The following FKBP5 variants were observed in gnomAD, a reference collection of about 807,000 sequenced individuals.
FKBP5 encodes the protein FKBP prolyl isomerase 5.
A neutral mutation model predicts 50.5 loss-of-function variants in FKBP5; 23 were observed. That is an observed-to-expected ratio of 0.46 (90% CI 0.33 to 0.65). FKBP5 has a LOEUF of 0.65. Ranked by LOEUF, FKBP5 falls within the 30% of genes least tolerant of loss-of-function variation. The pLI is 0.02. For synonymous variants in FKBP5, 176 were observed against 190.6 expected (o/e 0.92, Z 0.63); for missense variants, 411 against 553.1 (o/e 0.74, Z 2.58).
At chr6:35,587,968 C>T (rs112815407) in intron 7 of FKBP5, among the ~76,000 whole-genome samples, 4,281 of 151,812 alleles carry the variant, frequency 0.028, 178 homozygotes, top group African/African-American at 0.097. Context: ...CAAAAGATAA[C>T]GAGTGTGTGT....
intron 7 of FKBP5, 91 bp downstream of exon 7, chr6:35,591,039 C>G: frequency 2.5e-6 from 2 of 803,806 alleles, no homozygotes; most frequent in Non-Finnish European, 4.1e-6. Context: ...CACCATCTAT[C>G]TATACCACCT....
chr6:35,687,934 T>C (rs921263646), intron 1 of FKBP5, among the ~76,000 whole-genome samples: 2 of 152,246 alleles, frequency 1.3e-5, no homozygotes, highest in African/African-American at 4.8e-5. Flanking sequence ...GTAGTGTCTT[T>C]TTGGTAATAC....
intron 2 of FKBP5, among the ~76,000 whole-genome samples, chr6:35,708,202 A>G (rs959821668): frequency 6.6e-6 from 1 of 152,224 alleles, no homozygotes; most frequent in Non-Finnish European, 1.5e-5. Flanking sequence ...TGTACTGAGT[A>G]TAAATAACTT....
intron 1 of FKBP5, among the ~76,000 whole-genome samples, chr6:35,667,350 A>G (rs1765261491): frequency 6.6e-6 from 1 of 151,966 alleles, no homozygotes; most frequent in African/African-American, 2.4e-5. Flanking sequence ...TTTGGACTCC[A>G]TTTTTCCTGT....
intron 1 of FKBP5, among the ~76,000 whole-genome samples, chr6:35,650,071 A>G (rs1484284344): frequency 2.6e-5 from 4 of 152,210 alleles, no homozygotes; most frequent in Admixed American, 2.0e-4. Context: ...ATCCATTATA[A>G]AAGAATGCCA....
intron 8 of FKBP5, chr6:35,582,245 C>T (rs540970138): frequency 4.3e-5 from 42 of 985,264 alleles, no homozygotes; most frequent in South Asian, 9.4e-5. Context: ...CATAAGAACA[C>T]GAAACCAGGG....
intron 7 of FKBP5, among the ~76,000 whole-genome samples, chr6:35,590,254 G>A (rs1002713636): frequency 2.0e-5 from 3 of 151,918 alleles, no homozygotes; most frequent in South Asian, 2.1e-4. Context: ...AGCTATGATC[G>A]CGCTCACTGT....
At chr6:35,638,114 G>C (rs79634785) in intron 2 of FKBP5, among the ~76,000 whole-genome samples, 1 of 152,120 alleles carries the variant, frequency 6.6e-6, no homozygotes, top group Non-Finnish European at 1.5e-5. Context: ...TCTTGGCAGA[G>C]CAAGCTGCTA....
intron 3 of FKBP5, among the ~76,000 whole-genome samples, chr6:35,629,706 T>A (rs1247501289): frequency 3.3e-5 from 5 of 152,234 alleles, no homozygotes; most frequent in Admixed American, 2.6e-4. Flanking sequence ...TGATGTAATA[T>A]CGAATTTAAA....
intron 1 of FKBP5, among the ~76,000 whole-genome samples, chr6:35,686,811 A>T (rs1057332881): frequency 5.3e-5 from 8 of 149,724 alleles, no homozygotes; most frequent in African/African-American, 2.0e-4. Context: ...TAAGTTGCCT[A>T]ATGCAATATT....
upstream of FKBP5, among the ~76,000 whole-genome samples, chr6:35,691,267 C>A (rs1011337128): frequency 6.6e-6 from 1 of 152,122 alleles, no homozygotes; most frequent in African/African-American, 2.4e-5. Context: ...AAGAGGTCAC[C>A]TGACAGTAGA....
At chr6:35,597,653 A>G (rs1763016341) in intron 5 of FKBP5, among the ~76,000 whole-genome samples, 1 of 152,238 alleles carries the variant, frequency 6.6e-6, no homozygotes, top group South Asian at 2.1e-4. Context: ...GTGGGTAACA[A>G]ACCAGAAACA....
chr6:35,697,845 T>C (rs1766111290), intron 2 of FKBP5, among the ~76,000 whole-genome samples: 1 of 152,226 alleles, frequency 6.6e-6, no homozygotes, highest in Non-Finnish European at 1.5e-5. Context: ...CTAAAAACCA[T>C]TGTGCTGTAC....
chr6:35,589,070 G>A (rs960598616), intron 7 of FKBP5, among the ~76,000 whole-genome samples: 13 of 138,874 alleles, frequency 9.4e-5, no homozygotes, highest in Admixed American at 2.9e-4. Context: ...GTGTGTGTGT[G>A]TATATATTTA....
chr6:35,577,536 G>A (rs890012941), intron 9 of FKBP5, among the ~76,000 whole-genome samples: 1 of 152,158 alleles, frequency 6.6e-6, no homozygotes, highest in Non-Finnish European at 1.5e-5. Context: ...AAAAATAAGA[G>A]GCACTTGTCT....
rs1762249954 is a variant in FKBP5, at chr6:35,577,218, T to C, written c.1042A>G (p.Ser348Gly). 3 of 1,607,312 alleles carry C rather than the reference T, an allele frequency of 1.9e-6. No homozygotes were observed. The highest frequency in any genetic ancestry group is 4.5e-5 in the East Asian group (2 of 44,782). The stretch of plus-strand genomic sequence containing the variant: ...CTATACAAGCCTTTCTCATTGGCAC[T>C]GTCCAGTCCAAGGGCCTAGGAATAG... The part of the protein sequence containing the change: ...ECCDKALGLD[S>G]ANEKGLYRRG... The change falls in exon 10 of 11, where the codon AGT (serine) becomes GGT (glycine). Residue 348 changes from serine to glycine, a missense_variant. Physicochemically the swap from Ser to Gly is moderately conservative, Grantham distance 56. This residue lies in a region of FKBP5 where 267 missense variants were observed against 405.9 expected (regional missense o/e 0.66). Coordinates refer to ENST00000357266, the MANE Select transcript of FKBP5 (RefSeq NM_004117.4).
chr6:35,616,628 C>T (rs1286460636), intron 5 of FKBP5, among the ~76,000 whole-genome samples: 1 of 152,024 alleles, frequency 6.6e-6, no homozygotes, highest in Non-Finnish European at 1.5e-5. Flanking sequence ...CAAGTATTAC[C>T]AAAAGCAAGA....
chr6:35,658,357 C>CT (rs1202194153), intron 1 of FKBP5, among the ~76,000 whole-genome samples: 1 of 151,020 alleles, frequency 6.6e-6, no homozygotes, highest in African/African-American at 2.4e-5. Flanking sequence ...GCCTGGGCGA[C>CT]TCCGTCTTTT....
chr6:35,672,011 G>A (rs1252249434), intron 1 of FKBP5, among the ~76,000 whole-genome samples: 1 of 152,048 alleles, frequency 6.6e-6, no homozygotes, highest in Admixed American at 6.6e-5. Context: ...TGGGACTACA[G>A]GCTTCCGCCA....
Sources: allele counts gnomAD v4.1 joint callset (sites outside exome capture counted in the v4.1 genomes callset), GRCh38; gene constraint gnomAD v4.1.1; regional missense constraint gnomAD v4.1.1; transcripts MANE v1.5; gene names NCBI Gene and HGNC (gene_info 2026-07-23, HGNC 2026-07-21).